The following CLMN variants were observed in gnomAD, a reference collection of about 807,000 sequenced individuals.
The protein encoded by CLMN is calmin (calponin-like, transmembrane).
Under a neutral mutation model 92.7 loss-of-function variants are expected in CLMN, and 57 were observed. The ratio of observed to expected loss-of-function variants is 0.61; its 90% CI spans 0.50 to 0.77. The LOEUF is 0.77. Among genes scored for constraint, CLMN ranks in the 30% least tolerant of loss-of-function variants. The pLI, the probability that CLMN is intolerant of heterozygous loss-of-function variation, is 0.00. For synonymous variants in CLMN, 466 were observed against 470.6 expected, an observed-to-expected ratio of 0.99 and a Z score of 0.13; for missense variants, 1,158 against 1,237.5, an observed-to-expected ratio of 0.94 and a Z score of 0.96.
chr14:95,212,990 G>A (rs770201913), intron 6 of CLMN, among the ~76,000 whole-genome samples: 9 of 152,118 alleles, frequency 5.9e-5, no homozygotes, highest in East Asian at 1.9e-4. Context: ...GGGTTTCACC[G>A]TGTTAGCCAG....
At chr14:95,222,902 G>A (rs1595588327) in intron 3 of CLMN, among the ~76,000 whole-genome samples, 1 of 152,218 alleles carries the variant, frequency 6.6e-6, no homozygotes, top group African/African-American at 2.4e-5. Context: ...GACAGACCCA[G>A]GACGCTCTGT....
chr14:95,315,896 C>G (rs899968000), intron 1 of CLMN, among the ~76,000 whole-genome samples: 1 of 152,202 alleles, frequency 6.6e-6, no homozygotes, highest in East Asian at 1.9e-4. Context: ...GCTACGTGCT[C>G]GACACACATG....
chr14:95,309,080 G>A (rs113620297), intron 1 of CLMN, among the ~76,000 whole-genome samples: 4 of 152,192 alleles, frequency 2.6e-5, no homozygotes, highest in Admixed American at 6.5e-5. Context: ...AGGCTAGGGA[G>A]GTTGGAAACA....
At chr14:95,295,881 TCC>T (rs1900789071) in intron 1 of CLMN, among the ~76,000 whole-genome samples, 1 of 152,136 alleles carries the variant, frequency 6.6e-6, no homozygotes, top group Non-Finnish European at 1.5e-5. Context: ...TCAGAGAGGC[TCC>T]CCCGATCACA....
At position 95,227,348 on chromosome 14, in the gene CLMN, C is replaced by T. The variant is rs547419069; in HGVS notation, c.144+2724G>A. On this transcript the variant is annotated intron_variant, in intron 2 of 12. Coordinates refer to ENST00000298912, the MANE Select transcript of CLMN (RefSeq NM_024734.4). ...GGCTTCGCTTCAAGGGCAACAGCGA[C>T]TTTGAACCAAAAGGCAAATTATTTT... Among the ~76,000 whole-genome samples, 102 of 152,338 alleles carry T rather than the reference C, an allele frequency of 6.7e-4. 1 individual carries two copies. Among genetic ancestry groups the T allele is most frequent in the Admixed American group, 1.1e-3 (17 of 15,306 alleles).
rs776869504 is a variant in CLMN, at chr14:95,204,389, T to C, written c.960A>G (p.Glu320=). 1 of 1,613,822 alleles carries C rather than the reference T, an allele frequency of 6.2e-7. No individual in the cohort carries two copies. The highest frequency in any genetic ancestry group is 8.5e-7 in the Non-Finnish European group (1 of 1,179,976). The stretch of plus-strand genomic sequence containing the variant: ...TCAGAACGAAGACTTTGCTCTCCTG[T>C]TCAGAAGGAGTTTCTTTGATGCGAA... ...TFVRIKETPS[E]QESKVFVLTE... The change falls in exon 9 of 13, where the codon GAA becomes GAG. Residue 320 remains glutamate, a synonymous_variant. Transcript: ENST00000298912.
At position 95,210,686 on chromosome 14, in the gene CLMN, C is replaced by T; in HGVS notation, c.802G>A (p.Asp268Asn). The change falls in exon 7 of 13, where the codon GAC (aspartate) becomes AAC (asparagine). Residue 268 changes from aspartate (D) to asparagine (N), a missense_variant and splice_region_variant. Asp to Asn is a conservative substitution (Grantham distance 23). Coordinates refer to ENST00000298912, the MANE Select transcript of CLMN (RefSeq NM_024734.4). ...LHIPRLLEPE[D>N]IMVDTPDEQS... is the part of the protein sequence containing the mutation. ...GAAAGAAAGAGAGAACCACTGCTAC[C>T]TTCTGGCTCCAGGAGCCTGGGGATG... The T allele has an allele frequency of 6.2e-7, 1 of 1,604,684 alleles. No homozygotes were observed. The highest frequency in any genetic ancestry group is 8.5e-7 in the Non-Finnish European group (1 of 1,176,762).
intron 2 of CLMN, among the ~76,000 whole-genome samples, 200 bp from the exon 3 acceptor site, chr14:95,224,055 C>T (rs946985725): frequency 9.2e-5 from 14 of 152,222 alleles, no homozygotes; most frequent in Admixed American, 5.2e-4. Flanking sequence ...CACAACTTGG[C>T]AGGAAGGCTG....
At position 95,228,629 on chromosome 14, in the gene CLMN, C is replaced by G. The variant is rs935153009; in HGVS notation, c.144+1443G>C. 2.6e-5 allele frequency among the ~76,000 whole-genome samples: 4 copies of G among 152,336 alleles called. No homozygotes were observed. The South Asian group carries it at 6.2e-4, about 24-fold the overall frequency. On this transcript the variant is annotated intron_variant, in intron 2 of 12. Coordinates refer to ENST00000298912, the MANE Select transcript of CLMN (RefSeq NM_024734.4). The stretch of plus-strand genomic sequence containing the variant: ...CATTTCAGTGATTTCTTCTAAGAAC[C>G]TTTCTTTTGTGTTAACCATAAAGGC...
At position 95,204,428 on chromosome 14, in the gene CLMN, G is replaced by C. The variant is rs779606628; in HGVS notation, c.921C>G (p.Ile307Met). 5 of 1,597,434 alleles carry C rather than the reference G, an allele frequency of 3.1e-6. No individual in the cohort carries two copies. The African/African-American group carries it at 5.4e-5, about 17-fold the overall frequency. The change falls in exon 9 of 13, where the codon ATC becomes ATG. Residue 307 changes from isoleucine to methionine, a missense_variant. Transcript: ENST00000298912. ...DIFDSDKEVP[I>M]ESTFVRIKET... is the part of the protein sequence containing the mutation. ...CTTTGATGCGAACAAAAGTGGATTC[G>C]ATAGGAACTTCTTTATCTGAATCGA...
intron 1 of CLMN, among the ~76,000 whole-genome samples, chr14:95,238,585 T>C (rs915755996): frequency 3.9e-4 from 60 of 152,276 alleles, no homozygotes; most frequent in African/African-American, 1.4e-3. Flanking sequence ...CTACTACAGG[T>C]AAGTGGCAGG....
At chr14:95,210,635 G>T (rs1897169550) in intron 7 of CLMN, 51 bp downstream of exon 7, 2 of 1,559,288 alleles carry the variant, frequency 1.3e-6, no homozygotes, top group Non-Finnish European at 1.7e-6. Flanking sequence ...GACAGCAAGT[G>T]GTACATTTGT....
intron 1 of CLMN, among the ~76,000 whole-genome samples, chr14:95,293,348 CCTT>C (rs1442092641): frequency 6.7e-5 from 7 of 103,720 alleles, no homozygotes; most frequent in Admixed American, 9.0e-5. Context: ...CTCCCTCCCT[CCTT>C]CTTTTCCTCC....
chr14:95,318,182 T>C (rs1470758956), intron 1 of CLMN, among the ~76,000 whole-genome samples: 2 of 152,206 alleles, frequency 1.3e-5, no homozygotes, highest in African/African-American at 4.8e-5. Flanking sequence ...ACTCAATGGT[T>C]GCCTAAGACA....
intron 1 of CLMN, among the ~76,000 whole-genome samples, chr14:95,290,581 C>T (rs949444660): frequency 6.6e-6 from 1 of 152,154 alleles, no homozygotes; most frequent in Admixed American, 6.5e-5. Context: ...CCTCTAGAAA[C>T]TAAAACAGGC....
chr14:95,209,480 G>C lies in CLMN; in HGVS notation c.803-3C>G. 6.2e-7 allele frequency: 1 copy of C among 1,611,070 alleles called. No individual in the cohort carries two copies. Among genetic ancestry groups the C allele is most frequent in the Non-Finnish European group, 8.5e-7 (1 of 1,177,182 alleles). On this transcript the variant is annotated splice_region_variant and splice_polypyrimidine_tract_variant and intron_variant, in intron 7 of 12. Transcript: ENST00000298912. The stretch of plus-strand genomic sequence containing the variant: ...GTCTGGTGTGTCAACCATGATGTCT[G>C]TCGAGAGAGACACAGGAATTAGCAG...
intron 3 of CLMN, chr14:95,222,518 G>T (rs559995217): frequency 6.6e-6 from 3 of 454,156 alleles, no homozygotes; most frequent in African/African-American, 6.0e-5. Flanking sequence ...TGGGGAAGTG[G>T]AGGCCTGTTC....
Position 95,189,731 on chromosome 14 carries a change from T to C in CLMN, c.*1833A>G, listed in dbSNP as rs1207165390. ...CACATAATCTTTATTATCTGTACCT[T>C]TGAGCTTTCATTGATGCCAGGGAGC... On this transcript the variant is annotated 3_prime_UTR_variant, in exon 13 of 13. Coordinates refer to ENST00000298912, the MANE Select transcript of CLMN (RefSeq NM_024734.4). The C allele has an allele frequency of 2.6e-5, 4 of 152,206 alleles. No homozygotes were observed. The highest frequency in any genetic ancestry group is 9.6e-5 in the African/African-American group (4 of 41,454). The allele number at this position is 152,206 out of a possible 1,614,324, so 9.4% of individuals were successfully genotyped here. A position where few individuals can be genotyped will look rare whatever the true frequency, so the allele number is the denominator to read the frequency against.
Position 95,185,906 on chromosome 14 carries a change from A to C in CLMN, c.*5658T>G, listed in dbSNP as rs1258743690. On this transcript the variant is annotated 3_prime_UTR_variant, in exon 13 of 13. Transcript: ENST00000298912. ...AATGGCATGACCACGGAAGGAGAACAGCTCCTCACCAAAGCAGCCATGATG... is the reference window on the plus strand; with the variant it reads ...AATGGCATGACCACGGAAGGAGAACCGCTCCTCACCAAAGCAGCCATGATG... The C allele has an allele frequency of 6.6e-6, 1 of 152,244 alleles. No homozygotes were observed. Among genetic ancestry groups the C allele is most frequent in the Non-Finnish European group, 1.5e-5 (1 of 68,060 alleles). The allele number at this position is 152,244 out of a possible 1,614,324, so 9.4% of individuals were successfully genotyped here.
Sources: gnomAD v4.1 joint callset for allele counts (sites outside exome capture counted in the v4.1 genomes callset) on GRCh38, gnomAD v4.1.1 for gene constraint, MANE v1.5 for transcripts, NCBI Gene and HGNC (gene_info 2026-07-23, HGNC 2026-07-21) for gene names.